ARHGEF3: variants seen among roughly 807,000 people sequenced by gnomAD.
ARHGEF3 encodes the protein Rho guanine nucleotide exchange factor 3.
Under a neutral mutation model 63.2 loss-of-function variants are expected in ARHGEF3, and 28 were observed. The observed-to-expected ratio is 0.44, with a 90% CI of 0.33 to 0.61. The LOEUF is 0.61. Ranked by LOEUF, ARHGEF3 falls within the 20% of genes least tolerant of loss-of-function variation. ARHGEF3 has a pLI of 0.03. For missense variants in ARHGEF3, 533 were observed against 659.3 expected (o/e 0.81, Z 2.10); for synonymous variants, 266 against 254.2 (o/e 1.05, Z -0.44).
chr3:56,733,003 G>T (rs927646851), intron 8 of ARHGEF3, among the ~76,000 whole-genome samples: 3 of 152,110 alleles, frequency 2.0e-5, no homozygotes, highest in Non-Finnish European at 4.4e-5. Flanking sequence ...CAAAAACTAG[G>T]CCGGATGCAG....
chr3:57,054,871 A>G (rs1237326793), intron 1 of ARHGEF3, among the ~76,000 whole-genome samples: 3 of 151,442 alleles, frequency 2.0e-5, no homozygotes, highest in Non-Finnish European at 4.4e-5. Flanking sequence ...GTATGATCTC[A>G]ATCTCCTGAC....
chr3:56,790,291 A>G (rs2037015634), intron 1 of ARHGEF3, among the ~76,000 whole-genome samples: 1 of 152,182 alleles, frequency 6.6e-6, no homozygotes, highest in South Asian at 2.1e-4. Flanking sequence ...GTCTTTTCTG[A>G]TGCTCTCTCC....
chr3:56,729,365 TAC>T lies in ARHGEF3; in HGVS notation c.1484_1485del (p.Cys495Ter). ...AGGCTGACCTCACTCGTGTCCATAC[TAC>T]AGTCTGACTCACTGTCCGATTGGTC... Reference protein sequence around the residue: ...QMDQSDSESDCSMDTSEVSLD... With the variant: ...QMDQSDSESDXSMDTSEVSLD... On this transcript the variant is annotated frameshift_variant, in exon 10 of 10. Coordinates refer to ENST00000296315, the MANE Select transcript of ARHGEF3 (RefSeq NM_019555.3). LOFTEE classifies it high-confidence loss of function. The T allele has an allele frequency of 6.2e-7, 1 of 1,614,144 alleles. No individual in the cohort carries two copies. Among genetic ancestry groups the T allele is most frequent in the South Asian group, 1.1e-5 (1 of 91,072 alleles).
At chr3:56,892,739 A>G (rs575358126) in intron 3 of ARHGEF3, among the ~76,000 whole-genome samples, 11 of 152,250 alleles carry the variant, frequency 7.2e-5, no homozygotes, top group Non-Finnish European at 1.5e-4. Flanking sequence ...TGAATTTACA[A>G]AGACAGTTGT....
intron 4 of ARHGEF3, among the ~76,000 whole-genome samples, chr3:56,807,629 CCTCT>C (rs974521043): frequency 5.3e-5 from 8 of 152,318 alleles, no homozygotes; most frequent in Non-Finnish European, 1.2e-4. Context: ...GCCCCCCTCT[CCTCT>C]CTCTAATTTC....
intron 7 of ARHGEF3, among the ~76,000 whole-genome samples, chr3:56,742,404 G>C (rs1413271275): frequency 3.3e-5 from 5 of 152,088 alleles, no homozygotes; most frequent in African/African-American, 1.2e-4. Context: ...GGTAATTTAG[G>C]CACTGCATTA....
At chr3:56,935,885 C>A (rs1031636080) in intron 3 of ARHGEF3, among the ~76,000 whole-genome samples, 2 of 152,202 alleles carry the variant, frequency 1.3e-5, no homozygotes, top group Non-Finnish European at 2.9e-5. Flanking sequence ...TTAAGTCAAT[C>A]TTCATAATAA....
chr3:56,916,545 T>G, intron 3 of ARHGEF3: 1 of 1,285,810 alleles, frequency 7.8e-7, no homozygotes, highest in Non-Finnish European at 1.0e-6. Context: ...GCTCCCCACC[T>G]CTCCTGCTAC....
intron 2 of ARHGEF3, among the ~76,000 whole-genome samples, chr3:56,757,590 A>T (rs2035153630): frequency 6.6e-6 from 1 of 152,232 alleles, no homozygotes; most frequent in South Asian, 2.1e-4. Flanking sequence ...CAGGATTAAA[A>T]ATCTATATGT....
intron 1 of ARHGEF3, among the ~76,000 whole-genome samples, chr3:57,070,568 T>C (rs187341926): frequency 5.5e-4 from 83 of 152,282 alleles, no homozygotes; most frequent in African/African-American, 1.9e-3. Context: ...ACAGAGTCAA[T>C]GTAACCCCTG....
chr3:56,935,196 C>T (rs866216892), intron 3 of ARHGEF3, among the ~76,000 whole-genome samples: 3 of 152,312 alleles, frequency 2.0e-5, no homozygotes, highest in African/African-American at 7.2e-5. Context: ...CCAATCGACA[C>T]TCTGTATCTA....
intron 1 of ARHGEF3, chr3:57,035,277 T>C: frequency 1.8e-6 from 1 of 560,174 alleles, no homozygotes; most frequent in Non-Finnish European, 2.9e-6. Flanking sequence ...ATATCAAGGG[T>C]TACCCAGTGT....
At chr3:57,002,555 A>G (rs1242451767) in intron 2 of ARHGEF3, among the ~76,000 whole-genome samples, 1 of 137,512 alleles carries the variant, frequency 7.3e-6, no homozygotes, top group East Asian at 2.0e-4. Flanking sequence ...GTTATGTTAT[A>G]TATATGTTAT....
intron 4 of ARHGEF3, among the ~76,000 whole-genome samples, chr3:56,869,829 A>G (rs1252296087): frequency 6.6e-6 from 1 of 152,028 alleles, no homozygotes; most frequent in East Asian, 1.9e-4. Flanking sequence ...ATCAGAAACA[A>G]AAGTATTACT....
intron 4 of ARHGEF3, among the ~76,000 whole-genome samples, chr3:56,846,433 T>C (rs928708390): frequency 6.6e-6 from 1 of 152,080 alleles, no homozygotes; most frequent in Non-Finnish European, 1.5e-5. Context: ...TTAGAGACGG[T>C]GAAAATGACT....
intron 2 of ARHGEF3, among the ~76,000 whole-genome samples, chr3:57,002,457 A>ATATAT (rs1560122570): frequency 5.2e-5 from 1 of 19,180 alleles, no homozygotes; most frequent in Middle Eastern, 0.031. Flanking sequence ...GCACTGTTCT[A>ATATAT]AGCACTATAT....
chr3:56,869,404 C>G (rs2040361664), intron 4 of ARHGEF3, among the ~76,000 whole-genome samples: 1 of 152,216 alleles, frequency 6.6e-6, no homozygotes, highest in Admixed American at 6.5e-5. Context: ...ATGATCAGCA[C>G]ATCGCAGGGT....
chr3:56,810,886 A>C (rs1420682728), intron 4 of ARHGEF3, among the ~76,000 whole-genome samples: 2 of 152,214 alleles, frequency 1.3e-5, no homozygotes, highest in East Asian at 3.8e-4. Flanking sequence ...TAACATACAT[A>C]GTGTTATGAA....
intron 1 of ARHGEF3, among the ~76,000 whole-genome samples, chr3:57,073,168 G>T (rs1163251033): frequency 6.6e-6 from 1 of 152,158 alleles, no homozygotes; most frequent in African/African-American, 2.4e-5. Context: ...AAAAGCAAGA[G>T]AAATCTATGC....
Sources: allele counts gnomAD v4.1 joint callset (sites outside exome capture counted in the v4.1 genomes callset), GRCh38; gene constraint gnomAD v4.1.1; transcripts MANE v1.5; gene names NCBI Gene and HGNC (gene_info 2026-07-23, HGNC 2026-07-21).